Variants in CPLANE1 observed in about 807,000 individuals in gnomAD.
CPLANE1 encodes ciliogenesis and planar polarity effector complex subunit 1.
CPLANE1 carries 263 observed loss-of-function variants against 362.5 expected under a neutral mutation model. The ratio of observed to expected loss-of-function variants is 0.73; its 90% CI spans 0.66 to 0.80. CPLANE1 has a LOEUF of 0.80. CPLANE1 is among the 30% of genes least tolerant of loss of function. The pLI, the probability that CPLANE1 is intolerant of heterozygous loss-of-function variation, is 0.00. For missense variants in CPLANE1, 3,461 were observed against 3,793.4 expected (o/e 0.91, Z 2.30); for synonymous variants, 1,212 against 1,302.6 (o/e 0.93, Z 1.50).
intron 8 of CPLANE1, among the ~76,000 whole-genome samples, chr5:37,236,420 A>C (rs1799002821): frequency 6.6e-6 from 1 of 152,188 alleles, no homozygotes; most frequent in Non-Finnish European, 1.5e-5. Flanking sequence ...ATATACAAAA[A>C]TTAACTCAAG....
At chr5:37,123,095 G>C (rs1474418804) in intron 47 of CPLANE1, among the ~76,000 whole-genome samples, 1 of 152,108 alleles carries the variant, frequency 6.6e-6, no homozygotes, top group East Asian at 1.9e-4. Context: ...TGTTAATAAA[G>C]CAGAAATTAG....
At chr5:37,199,041 G>A (rs968813015) in intron 19 of CPLANE1, among the ~76,000 whole-genome samples, 175 bp from the exon 20 acceptor site, 1 of 141,406 alleles carries the variant, frequency 7.1e-6, no homozygotes, top group Non-Finnish European at 1.5e-5. Flanking sequence ...AAGCTGAAGT[G>A]AGCCATGATT....
intron 14 of CPLANE1, among the ~76,000 whole-genome samples, chr5:37,222,579 G>A (rs1338926496): frequency 6.6e-6 from 1 of 152,208 alleles, no homozygotes; most frequent in Non-Finnish European, 1.5e-5. Context: ...ATTACTAGAA[G>A]CCATTCCTAA....
intron 8 of CPLANE1, among the ~76,000 whole-genome samples, chr5:37,237,702 T>C (rs55780492): frequency 0.014 from 2,059 of 152,012 alleles, 43 homozygotes; most frequent in African/African-American, 0.047. Flanking sequence ...ACAAAAAAAT[T>C]ATCCGGGCAT....
intron 21 of CPLANE1, among the ~76,000 whole-genome samples, chr5:37,194,440 C>A (rs1319996986): frequency 4.6e-5 from 7 of 152,090 alleles, no homozygotes; most frequent in Admixed American, 4.6e-4. Context: ...TTCTTACAGA[C>A]CTAGATTTTT....
At chr5:37,167,551 G>A (rs150494476) in intron 34 of CPLANE1, among the ~76,000 whole-genome samples, 2,233 of 152,250 alleles carry the variant, frequency 0.015, 68 homozygotes, top group African/African-American at 0.051. Context: ...GGTCGAGACG[G>A]GCTGATCACA....
At chr5:37,114,480 G>A (rs1760308750) in intron 51 of CPLANE1, among the ~76,000 whole-genome samples, 1 of 152,210 alleles carries the variant, frequency 6.6e-6, no homozygotes, top group South Asian at 2.1e-4. Context: ...AGGTTACAGA[G>A]TAAGTGGTTA....
chr5:37,165,453 A>G, intron 36 of CPLANE1, 86 bp downstream of exon 36: 1 of 1,310,664 alleles, frequency 7.6e-7, no homozygotes, highest in Non-Finnish European at 1.1e-6. Context: ...AGAAGCTCCC[A>G]GCAATCAGAC....
the CPLANE1 span, among the ~76,000 whole-genome samples, chr5:37,088,264 A>G: frequency 6.6e-6 from 1 of 152,242 alleles, no homozygotes; most frequent in Admixed American, 6.5e-5. Context: ...CTGTCTTTTG[A>G]AAACGCTAAT....
Position 37,208,416 on chromosome 5 carries a change from G to A in CPLANE1, c.2921-1991C>T, listed in dbSNP as rs556687233. 2.8e-3 allele frequency among the ~76,000 whole-genome samples: 420 copies of A among 152,328 alleles called. 2 individuals are homozygous for A. Among genetic ancestry groups the A allele is most frequent in the African/African-American group, 9.6e-3 (401 of 41,584 alleles). The stretch of plus-strand genomic sequence containing the variant: ...TTAGAGGCCGGGAGCGGTGGCTCAC[G>A]CCTGTAATCCCAGCACTTTGGGAGG... On this transcript the variant is annotated intron_variant, in intron 16 of 52. Transcript: ENST00000651892.
At position 37,170,187 on chromosome 5, in the gene CPLANE1, C is replaced by T. The variant is rs1779383265; in HGVS notation, c.6316G>A (p.Val2106Ile). The T allele has an allele frequency of 1.9e-6, 3 of 1,614,118 alleles. No individual in the cohort carries two copies. The highest frequency in any genetic ancestry group is 1.1e-5 in the South Asian group (1 of 91,076). Residue 2106 changes from valine (V) to isoleucine (I), a missense_variant, in exon 33 of 53, where the codon GTT (valine) becomes ATT (isoleucine). Physicochemically the swap from Val to Ile is conservative, Grantham distance 29. Coordinates refer to ENST00000651892, the MANE Select transcript of CPLANE1 (RefSeq NM_001384732.1). ...TTAAGATTTTTGTTGCTGTCTTCAA[C>T]ATCACCACATCCTCTTAGGTTTGAT... ...QESNLRGCGDVEDSNKNLKER... is the reference protein window; with the variant it reads ...QESNLRGCGDIEDSNKNLKER...
chr5:37,174,425 T>G (rs1409210442), intron 31 of CPLANE1, among the ~76,000 whole-genome samples: 1 of 152,190 alleles, frequency 6.6e-6, no homozygotes, highest in East Asian at 1.9e-4. Context: ...AAAACTACTG[T>G]TTATCATCAT....
chr5:37,173,397 G>T (rs1780320381), intron 32 of CPLANE1, among the ~76,000 whole-genome samples: 1 of 152,146 alleles, frequency 6.6e-6, no homozygotes, highest in Non-Finnish European at 1.5e-5. Flanking sequence ...GTAAAAATAG[G>T]TCATTGTGAG....
At chr5:37,125,047 T>C in intron 47 of CPLANE1, 197 bp downstream of exon 47, 1 of 1,352,732 alleles carries the variant, frequency 7.4e-7, no homozygotes, top group Non-Finnish European at 9.5e-7. Context: ...GATAATTCAG[T>C]ATAACTTGGT....
chr5:37,085,821 A>G, the CPLANE1 span: 2 of 1,389,490 alleles, frequency 1.4e-6, no homozygotes, highest in Middle Eastern at 1.8e-4. Flanking sequence ...GAGAGAGACA[A>G]AAGACTGGGG....
Position 37,173,921 on chromosome 5 carries a change from T to C in CPLANE1, c.6005A>G (p.Lys2002Arg). 2.5e-6 allele frequency: 4 copies of C among 1,614,128 alleles called. No individual in the cohort carries two copies. The South Asian group carries it at 4.4e-5, about 18-fold the overall frequency. Residue 2002 changes from lysine (K) to arginine (R), a missense_variant, in exon 32 of 53, where the codon AAA becomes AGA. This residue lies in a region of CPLANE1 where 3,380 missense variants were observed against 3,666.1 expected (regional missense o/e 0.92). Coordinates refer to ENST00000651892, the MANE Select transcript of CPLANE1 (RefSeq NM_001384732.1). ...TATCAGAAGTGGAACTGAGGAAGAT[T>C]TTTCTTTATATGTAGAAATCTGTGC... ...SSAQISTYKE[K>R]SSSVPLLISN...
At chr5:37,234,271 A>T (rs938712399) in intron 8 of CPLANE1, among the ~76,000 whole-genome samples, 4 of 152,102 alleles carry the variant, frequency 2.6e-5, no homozygotes, top group Non-Finnish European at 5.9e-5. Context: ...CAGAGAAATA[A>T]TTCAAAATAC....
chr5:37,188,296 C>T (rs1420876101), intron 21 of CPLANE1, among the ~76,000 whole-genome samples: 3 of 152,138 alleles, frequency 2.0e-5, no homozygotes, highest in African/African-American at 7.2e-5. Context: ...CACAGGCTCA[C>T]AATCCAGCTA....
intron 6 of CPLANE1, among the ~76,000 whole-genome samples, chr5:37,242,395 A>G (rs1158821525): frequency 2.6e-5 from 4 of 152,192 alleles, no homozygotes; most frequent in African/African-American, 9.6e-5. Flanking sequence ...TAGGCTTTTT[A>G]GAATAAAACT....
Sources: allele counts gnomAD v4.1 joint callset (sites outside exome capture counted in the v4.1 genomes callset), GRCh38; gene constraint gnomAD v4.1.1; regional missense constraint gnomAD v4.1.1; transcripts MANE v1.5; gene names NCBI Gene and HGNC (gene_info 2026-07-23, HGNC 2026-07-21).